The following ST6GAL1 variants were observed in gnomAD, a reference collection of about 807,000 sequenced individuals.
ST6GAL1 encodes the protein beta-galactoside alpha-2,6-sialyltransferase 1.
In ST6GAL1, 20 loss-of-function variants were observed where a neutral mutation model predicts 38.0. That is an observed-to-expected ratio of 0.53 (90% confidence interval 0.37 to 0.77). ST6GAL1 has a LOEUF of 0.77. Among genes scored for constraint, ST6GAL1 ranks in the 30% least tolerant of loss-of-function variants. The pLI, the probability that ST6GAL1 is intolerant of heterozygous loss-of-function variation, is 0.00. For synonymous variants in ST6GAL1, 196 were observed against 188.2 expected, an observed-to-expected ratio of 1.04 and a Z score of -0.34; for missense variants, 432 against 496.4, an observed-to-expected ratio of 0.87 and a Z score of 1.23.
chr3:187,027,614 T>C (rs1261000381), intron 2 of ST6GAL1, among the ~76,000 whole-genome samples: 1 of 152,158 alleles, frequency 6.6e-6, no homozygotes, highest in Non-Finnish European at 1.5e-5. Flanking sequence ...TTGCCCCGTC[T>C]TCTTTTCTCA....
At chr3:187,028,507 A>G (rs1003300183) in intron 2 of ST6GAL1, among the ~76,000 whole-genome samples, 3 of 152,218 alleles carry the variant, frequency 2.0e-5, no homozygotes, top group African/African-American at 7.2e-5. Context: ...GAGTATTTTA[A>G]AGTAGATTTT....
At chr3:186,958,051 TAA>T (rs112067764) in intron 1 of ST6GAL1, among the ~76,000 whole-genome samples, 15 of 141,382 alleles carry the variant, frequency 1.1e-4, no homozygotes, top group African/African-American at 2.5e-4. Context: ...TTTTAAGAAT[TAA>T]AAAAAAAAAA....
At chr3:186,999,602 G>T (rs1716545551) in intron 2 of ST6GAL1, among the ~76,000 whole-genome samples, 1 of 151,708 alleles carries the variant, frequency 6.6e-6, no homozygotes, top group South Asian at 2.1e-4. Context: ...GTAGAGATGG[G>T]GTTTCACCGT....
intron 2 of ST6GAL1, among the ~76,000 whole-genome samples, chr3:187,028,046 A>G (rs1339211125): frequency 1.3e-5 from 2 of 152,154 alleles, no homozygotes; most frequent in African/African-American, 4.8e-5. Context: ...CTCTGACAAG[A>G]TCAGGTTCAT....
At chr3:187,024,340 G>T (rs113451473) in intron 2 of ST6GAL1, among the ~76,000 whole-genome samples, 1 of 151,336 alleles carries the variant, frequency 6.6e-6, no homozygotes, top group East Asian at 1.9e-4. Context: ...TGATCTGCCC[G>T]CCTCGGCCTC....
chr3:187,066,601 C>CGTGTGTGT (rs3055152), intron 5 of ST6GAL1, among the ~76,000 whole-genome samples: 8,280 of 148,770 alleles, frequency 0.056, 319 homozygotes, highest in Non-Finnish European at 0.088. Flanking sequence ...TGCGTGCGTG[C>CGTGTGTGT]GTGTGTGTGT....
intron 2 of ST6GAL1, among the ~76,000 whole-genome samples, chr3:187,019,813 A>G (rs1717234867): frequency 6.6e-6 from 1 of 152,210 alleles, no homozygotes; most frequent in Non-Finnish European, 1.5e-5. Context: ...TAAGGTCCAG[A>G]TGAGGGTGAG....
At chr3:187,057,592 C>T (rs994200107) in intron 5 of ST6GAL1, among the ~76,000 whole-genome samples, 2 of 152,162 alleles carry the variant, frequency 1.3e-5, no homozygotes, top group African/African-American at 2.4e-5. Flanking sequence ...CCACTCCAGA[C>T]CCTGTTTGCC....
intron 5 of ST6GAL1, among the ~76,000 whole-genome samples, chr3:187,070,424 C>CTTTTTTTT (rs34389560): frequency 1.0e-5 from 1 of 99,130 alleles, no homozygotes; most frequent in Non-Finnish European, 1.9e-5. Context: ...AACACTTGCT[C>CTTTTTTTT]TTTTTTTTTT....
chr3:186,938,500 T>A (rs1337723471), intron 1 of ST6GAL1, among the ~76,000 whole-genome samples: 1 of 152,202 alleles, frequency 6.6e-6, no homozygotes, highest in Non-Finnish European at 1.5e-5. Flanking sequence ...TAATAGCTGT[T>A]ATTGTTATAA....
chr3:186,974,070 GT>G (rs1340756719), intron 2 of ST6GAL1, among the ~76,000 whole-genome samples: 1 of 152,264 alleles, frequency 6.6e-6, no homozygotes, highest in East Asian at 1.9e-4. Flanking sequence ...TGGGAAGCCA[GT>G]GGATAGATAC....
intron 5 of ST6GAL1, among the ~76,000 whole-genome samples, chr3:187,071,296 A>T (rs1719361978): frequency 6.6e-6 from 1 of 152,160 alleles, no homozygotes; most frequent in Non-Finnish European, 1.5e-5. Context: ...CTGATTTCAT[A>T]TATTAATTCT....
chr3:187,010,859 C>T (rs4686831), intron 2 of ST6GAL1, among the ~76,000 whole-genome samples: 113,850 of 152,068 alleles, frequency 0.75, 42,889 homozygotes, highest in South Asian at 0.84. Context: ...TGTAACCATT[C>T]ATCCTTTTAA....
intron 2 of ST6GAL1, among the ~76,000 whole-genome samples, chr3:187,025,829 C>G (rs891951540): frequency 6.6e-6 from 1 of 152,092 alleles, no homozygotes; most frequent in Non-Finnish European, 1.5e-5. Flanking sequence ...GGACACAACA[C>G]CCCCCAACAA....
At chr3:187,060,450 C>T (rs763989342) in intron 5 of ST6GAL1, among the ~76,000 whole-genome samples, 2 of 152,150 alleles carry the variant, frequency 1.3e-5, no homozygotes, top group African/African-American at 4.8e-5. Flanking sequence ...CGTGAGCCAC[C>T]TCACCCAGCA....
intron 1 of ST6GAL1, among the ~76,000 whole-genome samples, chr3:186,942,120 T>A (rs1214280442): frequency 6.6e-6 from 1 of 152,142 alleles, no homozygotes; most frequent in Non-Finnish European, 1.5e-5. Context: ...TTTGAGAGTC[T>A]GTGACTATGG....
At chr3:187,019,139 T>A (rs1443615196) in intron 2 of ST6GAL1, among the ~76,000 whole-genome samples, 1 of 152,216 alleles carries the variant, frequency 6.6e-6, no homozygotes, top group East Asian at 1.9e-4. Context: ...TTCAAAATCT[T>A]GGAATCGTGT....
At chr3:187,004,592 A>G (rs1218097066) in intron 2 of ST6GAL1, among the ~76,000 whole-genome samples, 1 of 152,212 alleles carries the variant, frequency 6.6e-6, no homozygotes, top group African/African-American at 2.4e-5. Flanking sequence ...TAGAGTCGGG[A>G]GCGAGAATGA....
intron 2 of ST6GAL1, among the ~76,000 whole-genome samples, chr3:187,011,160 G>A (rs867049661): frequency 7.9e-5 from 12 of 152,096 alleles, no homozygotes; most frequent in South Asian, 4.1e-4. Context: ...CACCATGCCC[G>A]GCAAATTTTT....
Sources: gnomAD v4.1 joint callset for allele counts (sites outside exome capture counted in the v4.1 genomes callset) on GRCh38, gnomAD v4.1.1 for gene constraint, MANE v1.5 for transcripts, NCBI Gene and HGNC (gene_info 2026-07-23, HGNC 2026-07-21) for gene names.